Variants in COL23A1 observed in about 807,000 individuals in gnomAD.
The protein encoded by COL23A1 is collagen type XXIII alpha 1 chain, also known as collagen alpha-1(XXIII) chain.
In COL23A1, 97 loss-of-function variants were observed where a neutral mutation model predicts 99.3. The observed-to-expected ratio is 0.98, with a 90% confidence interval of 0.83 to 1.16. The LOEUF (loss-of-function observed/expected upper bound fraction) is 1.16. Among genes scored for constraint, COL23A1 ranks in the 50% most tolerant of loss-of-function variants. The pLI, the probability that COL23A1 is intolerant of heterozygous loss-of-function variation, is 0.00. For synonymous variants in COL23A1, 320 were observed against 308.2 expected (o/e 1.04, Z -0.40); for missense variants, 762 against 757.4 (o/e 1.01, Z -0.07).
In COL23A1 at chr5:178,320,878, C is replaced by T. The variant is rs6868261; in HGVS notation, c.362-13959G>A. Reference sequence around the variant, plus strand: ...GGGGGCCTTCTGTGGGCCTGGAGGTCGCATGGGCCCAGAGCTGGATCCTGC... The same window carrying T: ...GGGGGCCTTCTGTGGGCCTGGAGGTTGCATGGGCCCAGAGCTGGATCCTGC... On this transcript the variant is annotated intron_variant, in intron 2 of 28. Coordinates refer to ENST00000390654, the MANE Select transcript of COL23A1 (RefSeq NM_173465.4). Among the ~76,000 whole-genome samples, 1,335 of 152,272 alleles carry T rather than the reference C, an allele frequency of 8.8e-3. 19 individuals are homozygous for T. Among genetic ancestry groups the T allele is most frequent in the African/African-American group, 0.031 (1,283 of 41,556 alleles).
rs201105243 is a variant in COL23A1, at chr5:178,519,419, AG to A, written c.361+41262del. On this transcript the variant is annotated intron_variant, in intron 2 of 28. Coordinates refer to ENST00000390654, the MANE Select transcript of COL23A1 (RefSeq NM_173465.4). Reference sequence around the variant, plus strand: ...AATGTGCGTCCATGAAGGGTCCAGGAGCAATACAGCAGGGAGTATCAGGCTG... The same window carrying A: ...AATGTGCGTCCATGAAGGGTCCAGGACAATACAGCAGGGAGTATCAGGCTG... Among the ~76,000 whole-genome samples, 1,137 of 152,316 alleles carry A rather than the reference AG, an allele frequency of 7.5e-3. 9 individuals are homozygous for A. Among genetic ancestry groups the A allele is most frequent in the Non-Finnish European group, 0.012 (808 of 68,028 alleles).
In COL23A1 at chr5:178,340,259, C is replaced by T. The variant is rs570305852; in HGVS notation, c.362-33340G>A. On this transcript the variant is annotated intron_variant, in intron 2 of 28. Coordinates refer to ENST00000390654, the MANE Select transcript of COL23A1 (RefSeq NM_173465.4). The surrounding 1 kb of genome is among the most constrained non-coding windows in gnomAD (Gnocchi z 4.7). ...GCTGAGAACAAGGACACCTTTCTGA[C>T]CAGCAATAAGCCTCACCAAAAAATG... 9.2e-5 allele frequency among the ~76,000 whole-genome samples: 14 copies of T among 152,260 alleles called. No homozygotes were observed. The highest frequency in any genetic ancestry group is 3.4e-4 in the African/African-American group (14 of 41,554).
At chr5:178,239,248 C>T in intron 27 of COL23A1, 69 bp from the exon 28 acceptor site, 1 of 1,563,170 alleles carries the variant, frequency 6.4e-7, no homozygotes, top group Non-Finnish European at 8.8e-7. Flanking sequence ...CACATGCCCT[C>T]CCCTGGTCTG....
At chr5:178,477,612 T>A (rs1366812123) in intron 2 of COL23A1, among the ~76,000 whole-genome samples, 1 of 152,172 alleles carries the variant, frequency 6.6e-6, no homozygotes, top group East Asian at 1.9e-4. Flanking sequence ...TGTTGCCTAA[T>A]CAGGAAGCAA....
At chr5:178,426,780 C>T (rs1039908256) in intron 2 of COL23A1, among the ~76,000 whole-genome samples, 5 of 152,226 alleles carry the variant, frequency 3.3e-5, no homozygotes, top group African/African-American at 9.7e-5. Context: ...AATAAGAACG[C>T]GAACAGCCCC....
intron 1 of COL23A1, among the ~76,000 whole-genome samples, chr5:178,584,902 A>G (rs989375574): frequency 1.3e-5 from 2 of 152,096 alleles, no homozygotes; most frequent in Non-Finnish European, 2.9e-5. Context: ...AAGTGCTACC[A>G]TTCTTTGCAT....
intron 20 of COL23A1, 73 bp from the exon 21 acceptor site, chr5:178,247,904 A>T: frequency 7.5e-7 from 1 of 1,327,724 alleles, no homozygotes; most frequent in Non-Finnish European, 1.1e-6. Context: ...AGCTCATCGC[A>T]CACTGCTGGA....
At chr5:178,363,548 G>A (rs1762289593) in intron 2 of COL23A1, among the ~76,000 whole-genome samples, 1 of 152,204 alleles carries the variant, frequency 6.6e-6, no homozygotes, top group Non-Finnish European at 1.5e-5. Context: ...GGTCCCAAAT[G>A]TCTCCTTTTC....
intron 9 of COL23A1, among the ~76,000 whole-genome samples, chr5:178,262,524 G>T (rs931117027): frequency 2.6e-5 from 4 of 151,746 alleles, no homozygotes; most frequent in Admixed American, 6.6e-5. Context: ...CCATTTGACT[G>T]GGGGGGGACC....
At chr5:178,432,520 C>T (rs111771465) in intron 2 of COL23A1, among the ~76,000 whole-genome samples, 4 of 152,198 alleles carry the variant, frequency 2.6e-5, no homozygotes, top group African/African-American at 9.6e-5. Context: ...GTCAGAAGAC[C>T]CAGGAGCTAC....
intron 2 of COL23A1, among the ~76,000 whole-genome samples, chr5:178,486,601 G>A (rs961644067): frequency 1.3e-5 from 2 of 152,164 alleles, no homozygotes; most frequent in Non-Finnish European, 2.9e-5. Context: ...GAGACAGTTG[G>A]GTGGTTTTGT....
intron 2 of COL23A1, among the ~76,000 whole-genome samples, chr5:178,358,693 ATGTATG>A (rs1379892202): frequency 4.5e-5 from 6 of 132,958 alleles, no homozygotes; most frequent in African/African-American, 8.8e-5. Flanking sequence ...ATGTGTGTGT[ATGTATG>A]TGTATGTGTG....
At chr5:178,348,741 G>C (rs1192851163) in intron 2 of COL23A1, among the ~76,000 whole-genome samples, 1 of 152,170 alleles carries the variant, frequency 6.6e-6, no homozygotes, top group Non-Finnish European at 1.5e-5. Context: ...GTCTGATTTA[G>C]GGAGGGACTT....
intron 5 of COL23A1, among the ~76,000 whole-genome samples, chr5:178,287,229 C>CT (rs1561827659): frequency 6.6e-6 from 1 of 152,206 alleles, no homozygotes; most frequent in East Asian, 1.9e-4. Flanking sequence ...TTTCACATTT[C>CT]ATTCTTACTT....
At chr5:178,451,120 A>C (rs1767463620) in intron 2 of COL23A1, among the ~76,000 whole-genome samples, 1 of 152,236 alleles carries the variant, frequency 6.6e-6, no homozygotes, top group Non-Finnish European at 1.5e-5. Context: ...CCTGTTAAAA[A>C]AGTGGAAAAG....
intron 2 of COL23A1, among the ~76,000 whole-genome samples, chr5:178,526,997 C>T (rs1296851409): frequency 6.6e-6 from 1 of 152,214 alleles, no homozygotes; most frequent in Non-Finnish European, 1.5e-5. Flanking sequence ...CAGGAGAGGG[C>T]CCAGGCCAAT....
intron 2 of COL23A1, among the ~76,000 whole-genome samples, chr5:178,494,948 G>A (rs1168094291): frequency 3.3e-5 from 5 of 152,180 alleles, no homozygotes; most frequent in Non-Finnish European, 7.3e-5. Flanking sequence ...CATGTGGATG[G>A]CATCAAATGG....
At position 178,384,055 on chromosome 5, in the gene COL23A1, C is replaced by T. The variant is rs1288166536; in HGVS notation, c.362-77136G>A. Reference sequence around the variant, plus strand: ...ACCAGGCGGCCTGTGCAAGCCTGGGCTGCATCTCCTGCCACGGCCAGGCAG... The same window carrying T: ...ACCAGGCGGCCTGTGCAAGCCTGGGTTGCATCTCCTGCCACGGCCAGGCAG... On this transcript the variant is annotated intron_variant, in intron 2 of 28. Transcript: ENST00000390654. The surrounding 1 kb of genome is among the most constrained non-coding windows in gnomAD (Gnocchi z 5.5). Among the ~76,000 whole-genome samples the T allele has an allele frequency of 6.6e-6, 1 of 152,214 alleles. No homozygotes were observed. Among genetic ancestry groups the T allele is most frequent in the Non-Finnish European group, 1.5e-5 (1 of 68,028 alleles).
At chr5:178,322,741 C>T (rs1314568244) in intron 2 of COL23A1, among the ~76,000 whole-genome samples, 1 of 152,222 alleles carries the variant, frequency 6.6e-6, no homozygotes, top group East Asian at 1.9e-4. Flanking sequence ...TGTGGTCATT[C>T]CAGGGACACC....
Sources: gnomAD v4.1 joint callset for allele counts (sites outside exome capture counted in the v4.1 genomes callset) on GRCh38, gnomAD v4.1.1 for gene constraint, Gnocchi (gnomAD v3.1) non-coding constraint, MANE v1.5 for transcripts, NCBI Gene and HGNC (gene_info 2026-07-23, HGNC 2026-07-21) for gene names.